OR1M1: variants seen among roughly 807,000 people sequenced by gnomAD.
The protein encoded by OR1M1 is olfactory receptor 1M1.
For synonymous variants in OR1M1, 157 were observed against 165.5 expected (o/e 0.95, Z 0.39); for missense variants, 397 against 401.8 (o/e 0.99, Z 0.10).
At chr19:9,091,025 G>C (rs1332010159) in intron 1 of OR1M1, among the ~76,000 whole-genome samples, 1 of 151,954 alleles carries the variant, frequency 6.6e-6, no homozygotes, top group Non-Finnish European at 1.5e-5. Context: ...AAATTAGCCA[G>C]GCGTGGTGGT....
Position 9,093,830 on chromosome 19 carries a change from AGGAT to A in OR1M1, c.587_590del (p.Arg196ThrfsTer10). 1.2e-6 allele frequency: 2 copies of A among 1,614,072 alleles called. No individual in the cohort carries two copies. The highest frequency in any genetic ancestry group is 2.2e-5 in the South Asian group (2 of 91,078). ...TTCGTGCACGGACACCTCTGTGAAT[AGGAT>A]CTTCATCCTCATTGTGGCAGGGATG... On this transcript the variant is annotated frameshift_variant, in exon 2 of 2. Coordinates refer to ENST00000641627, the MANE Select transcript of OR1M1 (RefSeq NM_001004456.2). LOFTEE classifies it low-confidence loss of function (END_TRUNC).
rs1600197624 is a variant in OR1M1 at position 9,089,993 on chromosome 19, A to G, written c.-14+2836A>G. On this transcript the variant is annotated intron_variant, in intron 1 of 1. Transcript: ENST00000641627. Reference sequence around the variant, plus strand: ...AGCCACCTGCTCTCAGTTAAACCCCATTTGATTGTATTAATCTTCTGTGCT... The same window carrying G: ...AGCCACCTGCTCTCAGTTAAACCCCGTTTGATTGTATTAATCTTCTGTGCT... 1.3e-5 allele frequency among the ~76,000 whole-genome samples: 2 copies of G among 152,334 alleles called. 1 individual carries two copies. The highest frequency in any genetic ancestry group is 1.3e-4 in the Admixed American group (2 of 15,276).
intron 1 of OR1M1, among the ~76,000 whole-genome samples, chr19:9,087,459 T>A (rs573556447): frequency 2.0e-5 from 3 of 148,644 alleles, no homozygotes; most frequent in African/African-American, 7.4e-5. Flanking sequence ...TTGAACATTT[T>A]TCCCCCACCG....
chr19:9,087,661 G>GGTGTT (rs1361059889), intron 1 of OR1M1, among the ~76,000 whole-genome samples: 73 of 152,214 alleles, frequency 4.8e-4, no homozygotes, highest in African/African-American at 1.7e-3. Flanking sequence ...ATGTTGGTCA[G>GGTGTT]GCTGATCTCG....
Position 9,094,376 on chromosome 19 carries a change from C to G in OR1M1, c.*190C>G, listed in dbSNP as rs149813766. ...GCGTGATCATAGATCACTGCAGCTT[C>G]AAACTTCTCTCTCTGTGTGCATTGT... On this transcript the variant is annotated 3_prime_UTR_variant, in exon 2 of 2. Coordinates refer to ENST00000641627, the MANE Select transcript of OR1M1 (RefSeq NM_001004456.2). 9.6e-4 allele frequency: 481 copies of G among 498,802 alleles called. 3 individuals carry two copies. The highest frequency in any genetic ancestry group is 9.0e-3 in the African/African-American group (456 of 50,940). The allele number at this position is 498,802 out of a possible 1,614,324, so 30.9% of individuals were successfully genotyped here. A position where few individuals can be genotyped will look rare whatever the true frequency, so the allele number is the denominator to read the frequency against.
chr19:9,087,783 C>T (rs551968225), intron 1 of OR1M1, among the ~76,000 whole-genome samples: 9 of 152,028 alleles, frequency 5.9e-5, no homozygotes, highest in Admixed American at 1.3e-4. Context: ...ACTTGTCAGC[C>T]CAGAATCCAA....
chr19:9,092,260 A>C (rs2050297308), intron 1 of OR1M1, among the ~76,000 whole-genome samples: 1 of 151,872 alleles, frequency 6.6e-6, no homozygotes, highest in Non-Finnish European at 1.5e-5. Flanking sequence ...AAGAGTTGCT[A>C]TAAATACTTC....
At chr19:9,087,377 A>G (rs2050270218) in intron 1 of OR1M1, among the ~76,000 whole-genome samples, 1 of 151,852 alleles carries the variant, frequency 6.6e-6, no homozygotes, top group Admixed American at 6.6e-5. Flanking sequence ...TCCTGGGCTT[A>G]AGCAATCCTC....
Position 9,094,359 on chromosome 19 carries a change from A to G in OR1M1, c.*173A>G. ...CGTGCTGGAGTGCAGTGGCGTGATC[A>G]TAGATCACTGCAGCTTCAAACTTCT... is the stretch of plus-strand genomic sequence containing the variant. On this transcript the variant is annotated 3_prime_UTR_variant, in exon 2 of 2. Coordinates refer to ENST00000641627, the MANE Select transcript of OR1M1 (RefSeq NM_001004456.2). The G allele has an allele frequency of 1.9e-6, 1 of 539,238 alleles. No homozygotes were observed. Among genetic ancestry groups the G allele is most frequent in the South Asian group, 2.7e-5 (1 of 36,962 alleles). The allele number at this position is 539,238 out of a possible 1,614,324, so 33.4% of individuals were successfully genotyped here. A position where few individuals can be genotyped will look rare whatever the true frequency, so the allele number is the denominator to read the frequency against.
chr19:9,093,001 G>A, intron 1 of OR1M1, among the ~76,000 whole-genome samples: 1 of 146,764 alleles, frequency 6.8e-6, no homozygotes, highest in Non-Finnish European at 1.5e-5. Context: ...GTACATGTGT[G>A]GAATATATTT....
At chr19:9,091,335 T>TA (rs556675064) in intron 1 of OR1M1, among the ~76,000 whole-genome samples, 19 of 139,472 alleles carry the variant, frequency 1.4e-4, no homozygotes, top group South Asian at 7.0e-4. Context: ...TTTTTTTTTT[T>TA]AAATAGTATT....
chr19:9,087,355 G>A (rs2050270115), intron 1 of OR1M1, among the ~76,000 whole-genome samples, 198 bp downstream of exon 1: 1 of 152,158 alleles, frequency 6.6e-6, no homozygotes, highest in Admixed American at 6.5e-5. Flanking sequence ...ACAGCTCACT[G>A]CAGCTTCTAC....
At chr19:9,089,421 ATTT>A (rs35699571) in intron 1 of OR1M1, among the ~76,000 whole-genome samples, 8,713 of 118,632 alleles carry the variant, frequency 0.073, 417 homozygotes, top group African/African-American at 0.17. Flanking sequence ...TTTCTACCAC[ATTT>A]TTTTTTTTTT....
intron 1 of OR1M1, among the ~76,000 whole-genome samples, chr19:9,090,676 C>T (rs983791890): frequency 1.3e-5 from 2 of 151,670 alleles, no homozygotes; most frequent in African/African-American, 2.4e-5. Flanking sequence ...TCAGGTGATC[C>T]GCCTGCCTCG....
intron 1 of OR1M1, among the ~76,000 whole-genome samples, chr19:9,091,258 G>C (rs905552523): frequency 6.6e-6 from 1 of 151,966 alleles, no homozygotes; most frequent in Non-Finnish European, 1.5e-5. Flanking sequence ...GAGGCCAAGT[G>C]TGGGCGGATC....
chr19:9,092,008 A>G (rs2050295545), intron 1 of OR1M1, among the ~76,000 whole-genome samples: 1 of 150,514 alleles, frequency 6.6e-6, no homozygotes, highest in Non-Finnish European at 1.5e-5. Flanking sequence ...TCCAAGGGTC[A>G]AGCAATCTTC....
At chr19:9,091,157 ACT>A (rs947409568) in intron 1 of OR1M1, among the ~76,000 whole-genome samples, 5 of 151,718 alleles carry the variant, frequency 3.3e-5, no homozygotes, top group African/African-American at 1.2e-4. Context: ...ACAGAGCGAG[ACT>A]CTGTCTCAAA....
chr19:9,091,527 C>T (rs1262970080), intron 1 of OR1M1, among the ~76,000 whole-genome samples: 1 of 151,830 alleles, frequency 6.6e-6, no homozygotes, highest in Non-Finnish European at 1.5e-5. Flanking sequence ...GGCATGGTGG[C>T]GTGCTCCTGT....
In OR1M1 at chr19:9,093,329, T is replaced by G; in HGVS notation, c.85T>G (p.Ser29Ala). 6.2e-7 allele frequency: 1 copy of G among 1,613,868 alleles called. No individual in the cohort carries two copies. Among genetic ancestry groups the G allele is most frequent in the Non-Finnish European group, 8.5e-7 (1 of 1,179,934 alleles). ...GCCAGAGCAGGAGACGCTTCTCTTT[T>G]CCCTGTTCTTCTGCATGTACCTGGT... ...EKPEQETLLF[S>A]LFFCMYLVMV... The change falls in exon 2 of 2, where the codon TCC becomes GCC. Residue 29 changes from serine to alanine, a missense_variant. Physicochemically the swap from Ser to Ala is moderately conservative, Grantham distance 99 (BLOSUM62 1). Coordinates refer to ENST00000641627, the MANE Select transcript of OR1M1 (RefSeq NM_001004456.2).
Sources: allele counts gnomAD v4.1 joint callset (sites outside exome capture counted in the v4.1 genomes callset), GRCh38; gene constraint gnomAD v4.1.1; transcripts MANE v1.5; gene names NCBI Gene and HGNC (gene_info 2026-07-23, HGNC 2026-07-21).